The following CACNA2D3 variants were observed in gnomAD, a reference collection of about 807,000 sequenced individuals.
The protein encoded by CACNA2D3 is calcium voltage-gated channel auxiliary subunit alpha2delta 3.
A neutral mutation model predicts 160.6 loss-of-function variants in CACNA2D3; 60 were observed. The observed-to-expected ratio is 0.37, with a 90% confidence interval of 0.30 to 0.46. The LOEUF is 0.46. Among genes scored for constraint, CACNA2D3 ranks in the 20% least tolerant of loss-of-function variants. CACNA2D3 has a pLI of 1.00. For missense variants in CACNA2D3, 1,205 were observed against 1,365.0 expected, an observed-to-expected ratio of 0.88 and a Z score of 1.85; for synonymous variants, 558 against 492.9, an observed-to-expected ratio of 1.13 and a Z score of -1.75.
At chr3:54,386,854 A>AT in intron 4 of CACNA2D3, 80 bp downstream of exon 4, 1 of 1,293,268 alleles carries the variant, frequency 7.7e-7, no homozygotes, top group South Asian at 1.3e-5. Flanking sequence ...AGGAATACTG[A>AT]TTTTTCAGTG....
At chr3:54,297,426 A>T (rs1241849749) in intron 2 of CACNA2D3, among the ~76,000 whole-genome samples, 1 of 150,754 alleles carries the variant, frequency 6.6e-6, no homozygotes, top group Non-Finnish European at 1.5e-5. Flanking sequence ...CAGGATTGTT[A>T]CTTCATAACC....
chr3:55,025,374 G>A (rs1200990529), intron 35 of CACNA2D3, among the ~76,000 whole-genome samples: 1 of 152,070 alleles, frequency 6.6e-6, no homozygotes, highest in African/African-American at 2.4e-5. Flanking sequence ...GCTCACATCT[G>A]TAATCCCAGC....
intron 2 of CACNA2D3, among the ~76,000 whole-genome samples, chr3:54,204,352 A>G (rs1305388602): frequency 1.1e-4 from 16 of 144,108 alleles, no homozygotes; most frequent in East Asian, 8.2e-4. Flanking sequence ...AACCATATGT[A>G]TATGGCTCTG....
intron 5 of CACNA2D3, among the ~76,000 whole-genome samples, chr3:54,522,153 T>G (rs1276715816): frequency 6.6e-6 from 1 of 152,180 alleles, no homozygotes; most frequent in Non-Finnish European, 1.5e-5. Flanking sequence ...TTAACAATGT[T>G]AAGATTTTAA....
At chr3:54,956,370 C>G (rs1201724480) in intron 27 of CACNA2D3, among the ~76,000 whole-genome samples, 1 of 152,192 alleles carries the variant, frequency 6.6e-6, no homozygotes, top group East Asian at 1.9e-4. Context: ...GACCCACCAC[C>G]AAGGGGACAA....
At chr3:55,061,473 C>T (rs1245420403) in intron 35 of CACNA2D3, among the ~76,000 whole-genome samples, 1 of 152,140 alleles carries the variant, frequency 6.6e-6, no homozygotes, top group Non-Finnish European at 1.5e-5. Flanking sequence ...AATTTAAGAG[C>T]TTATCACTTG....
chr3:54,129,621 T>C (rs1284383259), intron 2 of CACNA2D3, among the ~76,000 whole-genome samples: 1 of 152,230 alleles, frequency 6.6e-6, no homozygotes, highest in Non-Finnish European at 1.5e-5. Context: ...AGAGTATTTA[T>C]CTTGGCACCT....
Position 54,699,622 on chromosome 3 carries a change from A to G in CACNA2D3, c.1168-52977A>G, listed in dbSNP as rs142393427. Among the ~76,000 whole-genome samples the G allele has an allele frequency of 1.4e-3, 219 of 151,980 alleles. 2 individuals carry two copies. Among genetic ancestry groups the G allele is most frequent in the Middle Eastern group, 6.8e-3 (2 of 294 alleles). On this transcript the variant is annotated intron_variant, in intron 11 of 37. Transcript: ENST00000474759. Reference sequence around the variant, plus strand: ...AAGGGCACACCCCATTTATTGTTCTATTTCTCAGCAGTGATTCTTCTGAAT... The same window carrying G: ...AAGGGCACACCCCATTTATTGTTCTGTTTCTCAGCAGTGATTCTTCTGAAT...
intron 11 of CACNA2D3, among the ~76,000 whole-genome samples, chr3:54,733,500 C>A (rs1159135813): frequency 6.6e-6 from 1 of 152,130 alleles, no homozygotes; most frequent in African/African-American, 2.4e-5. Flanking sequence ...AATTCTATTT[C>A]TTTGCAATTT....
chr3:54,853,885 G>T (rs1699112661), intron 17 of CACNA2D3, among the ~76,000 whole-genome samples: 1 of 152,134 alleles, frequency 6.6e-6, no homozygotes, highest in Non-Finnish European at 1.5e-5. Flanking sequence ...GGGATGGGGA[G>T]TTGGGCCTAG....
intron 4 of CACNA2D3, among the ~76,000 whole-genome samples, chr3:54,387,395 T>C (rs1228843278): frequency 6.6e-6 from 1 of 152,238 alleles, no homozygotes; most frequent in Non-Finnish European, 1.5e-5. Context: ...CTCATGCCTG[T>C]AATCCTAGCA....
At chr3:54,866,837 C>T (rs915266145) in intron 17 of CACNA2D3, among the ~76,000 whole-genome samples, 1 of 152,184 alleles carries the variant, frequency 6.6e-6, no homozygotes, top group African/African-American at 2.4e-5. Context: ...CGGATGAGTG[C>T]CCTCTCGTCC....
At chr3:55,007,703 A>T in intron 32 of CACNA2D3, 87 bp from the exon 33 acceptor site, 1 of 804,432 alleles carries the variant, frequency 1.2e-6, no homozygotes, top group Non-Finnish European at 2.0e-6. Context: ...CTAGAAGAAT[A>T]ACATTGTCCT....
chr3:54,205,167 GA>G (rs1448752500), intron 2 of CACNA2D3, among the ~76,000 whole-genome samples: 24 of 152,194 alleles, frequency 1.6e-4, no homozygotes, highest in East Asian at 7.7e-4. Context: ...ATAGAGGGGG[GA>G]AAGTTATCAC....
chr3:54,143,831 CTT>C (rs774207206), intron 2 of CACNA2D3, among the ~76,000 whole-genome samples: 1 of 151,998 alleles, frequency 6.6e-6, no homozygotes, highest in Non-Finnish European at 1.5e-5. Flanking sequence ...TTCTTTGAGT[CTT>C]TTTTCTTTTG....
At chr3:54,294,779 A>T (rs1703302244) in intron 2 of CACNA2D3, among the ~76,000 whole-genome samples, 1 of 152,162 alleles carries the variant, frequency 6.6e-6, no homozygotes, top group Admixed American at 6.5e-5. Flanking sequence ...GATTGCCTGG[A>T]CTGCAGAGGA....
intron 11 of CACNA2D3, among the ~76,000 whole-genome samples, chr3:54,704,618 G>A (rs1476342176): frequency 6.6e-6 from 1 of 152,120 alleles, no homozygotes; most frequent in Non-Finnish European, 1.5e-5. Flanking sequence ...AGACGTTGGT[G>A]ATAGGAACAG....
At chr3:54,247,393 G>A (rs1328934905) in intron 2 of CACNA2D3, among the ~76,000 whole-genome samples, 3 of 151,986 alleles carry the variant, frequency 2.0e-5, no homozygotes, top group Non-Finnish European at 4.4e-5. Flanking sequence ...AGTGATACAA[G>A]ATATGAGAGA....
rs1328649302 is a variant in CACNA2D3, at chr3:55,074,178, C to CTCTGCTTT, written c.3250_3257dup (p.Leu1086PhefsTer4). On this transcript the variant is annotated frameshift_variant, in exon 38 of 38. Transcript: ENST00000474759. LOFTEE classifies it high-confidence loss of function. ...GCCCAGACAGTCCTCCTTCTGCTCCCTCTGCTTTTGATGCTCTTCTCAAGG... is the reference window on the plus strand; with the variant it reads ...GCCCAGACAGTCCTCCTTCTGCTCCCTCTGCTTTTCTGCTTTTGATGCTCTTCTCAAGG... 2 of 1,613,612 alleles carry CTCTGCTTT rather than the reference C, an allele frequency of 1.2e-6. No homozygotes were observed. The highest frequency in any genetic ancestry group is 3.3e-5 in the Admixed American group (2 of 60,004).
Sources: allele counts gnomAD v4.1 joint callset (sites outside exome capture counted in the v4.1 genomes callset), GRCh38; gene constraint gnomAD v4.1.1; transcripts MANE v1.5; gene names NCBI Gene and HGNC (gene_info 2026-07-23, HGNC 2026-07-21).